The following SLC25A13 variants were observed in gnomAD, a reference collection of about 807,000 sequenced individuals.
The protein encoded by SLC25A13 is solute carrier family 25 member 13.
SLC25A13 carries 70 observed loss-of-function variants against 85.5 expected under a neutral mutation model. The ratio of observed to expected loss-of-function variants is 0.82; its 90% CI spans 0.68 to 1.00. The LOEUF is 1.00. Ranked by LOEUF, SLC25A13 falls within the 50% of genes least tolerant of loss-of-function variation. The pLI, the probability that SLC25A13 is intolerant of heterozygous loss-of-function variation, is 0.00. For synonymous variants in SLC25A13, 259 were observed against 288.7 expected (o/e 0.90, Z 1.04); for missense variants, 765 against 819.8 (o/e 0.93, Z 0.82).
intron 3 of SLC25A13, among the ~76,000 whole-genome samples, chr7:96,253,524 T>C (rs1797513687): frequency 6.6e-6 from 1 of 152,164 alleles, no homozygotes; most frequent in African/African-American, 2.4e-5. Flanking sequence ...TAGTAAAATG[T>C]GTTTTTTTGA....
chr7:96,143,987 G>A (rs1248732274), intron 14 of SLC25A13, among the ~76,000 whole-genome samples: 1 of 152,190 alleles, frequency 6.6e-6, no homozygotes, highest in South Asian at 2.1e-4. Context: ...TAAAAGTACT[G>A]TGTGAGGTCA....
intron 3 of SLC25A13, among the ~76,000 whole-genome samples, chr7:96,274,592 G>C (rs1798372549): frequency 6.6e-6 from 1 of 152,152 alleles, no homozygotes; most frequent in African/African-American, 2.4e-5. Context: ...ACATGCCTAT[G>C]TCCTGAATGG....
At chr7:96,161,582 AG>A (rs1234673106) in intron 13 of SLC25A13, among the ~76,000 whole-genome samples, 1 of 152,190 alleles carries the variant, frequency 6.6e-6, no homozygotes, top group Non-Finnish European at 1.5e-5. Flanking sequence ...CCATATTTAT[AG>A]ATGTCTCAGT....
rs774717064 is a variant in SLC25A13 at position 96,189,377 on chromosome 7, G to A, written c.850C>T (p.Arg284Cys). Residue 284 changes from arginine to cysteine, a missense_variant and splice_region_variant, in exon 9 of 18, where the codon CGT (arginine) becomes TGT (cysteine). By Grantham distance (180) the Arg-to-Cys change is radical. Transcript: ENST00000265631. ...QLADLYEPRG[R>C]MTLADIERIA... ...CGTTCAATGTCTGCTAAGGTCATAC[G>A]TCTGTAGGGGAAAAACAAACACAAG... is the stretch of plus-strand genomic sequence containing the variant. 25 of 1,613,818 alleles carry A rather than the reference G, an allele frequency of 1.5e-5. 1 individual carries two copies. Among genetic ancestry groups the A allele is most frequent in the South Asian group, 3.3e-5 (3 of 91,080 alleles).
chr7:96,190,206 T>C (rs1794792225), intron 7 of SLC25A13, among the ~76,000 whole-genome samples: 1 of 151,120 alleles, frequency 6.6e-6, no homozygotes, highest in South Asian at 2.1e-4. Context: ...TGCCTCAGCC[T>C]CCCAAGGAGC....
chr7:96,269,540 C>T (rs771966653), intron 3 of SLC25A13, among the ~76,000 whole-genome samples: 8 of 152,200 alleles, frequency 5.3e-5, no homozygotes, highest in African/African-American at 7.2e-5. Flanking sequence ...AAATTCTTCA[C>T]AACTATAAGC....
intron 1 of SLC25A13, among the ~76,000 whole-genome samples, chr7:96,298,913 A>G (rs571318118): frequency 5.0e-4 from 76 of 152,244 alleles, no homozygotes; most frequent in African/African-American, 1.7e-3. Flanking sequence ...GACGAACACA[A>G]GAGAAGATGG....
intron 13 of SLC25A13, among the ~76,000 whole-genome samples, chr7:96,159,817 C>T (rs1793438917): frequency 6.6e-6 from 1 of 151,740 alleles, no homozygotes; most frequent in Non-Finnish European, 1.5e-5. Flanking sequence ...AGAAAGATAC[C>T]AAACTGAAAT....
chr7:96,283,429 G>A, intron 2 of SLC25A13: 1 of 427,086 alleles, frequency 2.3e-6, no homozygotes, highest in South Asian at 1.9e-5. Context: ...ACATAGAGTT[G>A]TTCCTTTGGC....
chr7:96,218,041 T>TTAAG (rs1491230400), intron 4 of SLC25A13, among the ~76,000 whole-genome samples: 1 of 152,074 alleles, frequency 6.6e-6, no homozygotes, highest in East Asian at 1.9e-4. Context: ...TTTTCTGGAG[T>TTAAG]TAAGCATGAC....
chr7:96,143,045 A>T (rs1187255252), intron 14 of SLC25A13, among the ~76,000 whole-genome samples: 1 of 152,228 alleles, frequency 6.6e-6, no homozygotes, highest in East Asian at 1.9e-4. Flanking sequence ...GGTAGAATCA[A>T]GGTTTAATTT....
intron 15 of SLC25A13, among the ~76,000 whole-genome samples, chr7:96,128,642 C>A (rs911504326): frequency 1.3e-5 from 2 of 151,768 alleles, no homozygotes; most frequent in African/African-American, 4.8e-5. Flanking sequence ...CTAATGCATG[C>A]GGGGCTTAAA....
At chr7:96,175,521 A>G (rs1198146304) in intron 11 of SLC25A13, among the ~76,000 whole-genome samples, 1 of 152,196 alleles carries the variant, frequency 6.6e-6, no homozygotes, top group African/African-American at 2.4e-5. Context: ...ACAGCAACTG[A>G]AGAAGAAACT....
At chr7:96,244,892 G>A (rs181814458) in intron 3 of SLC25A13, among the ~76,000 whole-genome samples, 184 of 152,164 alleles carry the variant, frequency 1.2e-3, no homozygotes, top group African/African-American at 4.2e-3. Flanking sequence ...TTACTGTATC[G>A]TTATCACAAA....
chr7:96,255,384 T>C (rs1467161499), intron 3 of SLC25A13, among the ~76,000 whole-genome samples: 5 of 152,228 alleles, frequency 3.3e-5, no homozygotes, highest in African/African-American at 1.2e-4. Flanking sequence ...ATTTTTTCTC[T>C]AATGAATTGA....
chr7:96,128,266 TTTC>T (rs1473273933), intron 15 of SLC25A13, among the ~76,000 whole-genome samples: 2 of 152,228 alleles, frequency 1.3e-5, no homozygotes, highest in African/African-American at 4.8e-5. Context: ...GACTGCTTCC[TTTC>T]TTCTTTTATT....
chr7:96,286,430 C>T (rs1413125558), intron 2 of SLC25A13, among the ~76,000 whole-genome samples: 1 of 152,174 alleles, frequency 6.6e-6, no homozygotes, highest in Admixed American at 6.6e-5. Context: ...GGCACTCTGA[C>T]AGCTCTTTAC....
intron 2 of SLC25A13, among the ~76,000 whole-genome samples, chr7:96,284,536 G>C (rs1258108686): frequency 6.6e-6 from 1 of 151,988 alleles, no homozygotes; most frequent in South Asian, 2.1e-4. Context: ...CCCATCTTTC[G>C]CTACAGAGAT....
chr7:96,149,415 C>T (rs938974831), intron 13 of SLC25A13, among the ~76,000 whole-genome samples: 2 of 152,136 alleles, frequency 1.3e-5, no homozygotes, highest in African/African-American at 4.8e-5. Flanking sequence ...TACAATAAAA[C>T]AAGAACTTAC....
Sources: allele counts gnomAD v4.1 joint callset (sites outside exome capture counted in the v4.1 genomes callset), GRCh38; gene constraint gnomAD v4.1.1; transcripts MANE v1.5; gene names NCBI Gene and HGNC (gene_info 2026-07-23, HGNC 2026-07-21).